DOCK1: variants seen among roughly 807,000 people sequenced by gnomAD.
The protein encoded by DOCK1 is dedicator of cytokinesis 1, also known as dedicator of cytokinesis protein 1.
Under a neutral mutation model 262.7 loss-of-function variants are expected in DOCK1, and 138 were observed. The ratio of observed to expected loss-of-function variants is 0.53; its 90% confidence interval spans 0.46 to 0.61. The LOEUF is 0.61. DOCK1 is among the 20% of genes least tolerant of loss of function. The pLI, the probability that DOCK1 is intolerant of heterozygous loss-of-function variation, is 0.00. For missense variants in DOCK1, 1,908 were observed against 2,370.7 expected, an observed-to-expected ratio of 0.80 and a Z score of 4.05; for synonymous variants, 866 against 867.4, an observed-to-expected ratio of 1.00 and a Z score of 0.03.
chr10:127,119,112 C>G (rs772642067), intron 25 of DOCK1, among the ~76,000 whole-genome samples: 1 of 151,036 alleles, frequency 6.6e-6, no homozygotes, highest in African/African-American at 2.4e-5. Flanking sequence ...GGCGCAATCT[C>G]GGCTTACTGC....
chr10:127,212,399 G>A (rs1056109208), intron 27 of DOCK1, among the ~76,000 whole-genome samples: 9 of 152,186 alleles, frequency 5.9e-5, no homozygotes, highest in Admixed American at 2.0e-4. Context: ...GAAGGAATAT[G>A]CAAGCGTCGT....
intron 10 of DOCK1, among the ~76,000 whole-genome samples, chr10:127,005,252 A>C (rs1341466314): frequency 6.6e-6 from 1 of 151,844 alleles, no homozygotes; most frequent in Non-Finnish European, 1.5e-5. Flanking sequence ...GGATTGCCTG[A>C]GCTTGGGAGG....
intron 47 of DOCK1, among the ~76,000 whole-genome samples, chr10:127,428,106 G>A (rs2068940346): frequency 6.6e-6 from 1 of 152,270 alleles, no homozygotes; most frequent in Non-Finnish European, 1.5e-5. Flanking sequence ...AGAGCTGAGT[G>A]GCAAGAAGCG....
chr10:126,994,648 G>T (rs1046354625), intron 6 of DOCK1, among the ~76,000 whole-genome samples: 2 of 152,242 alleles, frequency 1.3e-5, no homozygotes, highest in African/African-American at 2.4e-5. Context: ...TAACGTCATA[G>T]ATTAACAGCA....
chr10:126,924,459 G>C (rs2033516802), intron 1 of DOCK1, among the ~76,000 whole-genome samples: 1 of 150,304 alleles, frequency 6.7e-6, no homozygotes, highest in African/African-American at 2.5e-5. Flanking sequence ...GCGGGAGGCT[G>C]TGCATGCTGG....
chr10:127,393,736 G>T (rs1342218812), intron 38 of DOCK1, among the ~76,000 whole-genome samples: 1 of 152,198 alleles, frequency 6.6e-6, no homozygotes, highest in South Asian at 2.1e-4. Flanking sequence ...TCTTCCCCAC[G>T]GAATCATTCT....
chr10:127,319,824 CAG>C (rs1484794828), intron 29 of DOCK1, among the ~76,000 whole-genome samples: 1 of 152,184 alleles, frequency 6.6e-6, no homozygotes, highest in Non-Finnish European at 1.5e-5. Flanking sequence ...CTGCTACAGA[CAG>C]ACTTTGGTCT....
intron 26 of DOCK1, among the ~76,000 whole-genome samples, chr10:127,126,967 C>T (rs1398550924): frequency 2.0e-5 from 3 of 152,146 alleles, no homozygotes; most frequent in African/African-American, 7.2e-5. Context: ...GGGGCATTGC[C>T]TTTGGAGAGG....
At chr10:126,957,057 G>A (rs1214066413) in intron 1 of DOCK1, among the ~76,000 whole-genome samples, 1 of 152,180 alleles carries the variant, frequency 6.6e-6, no homozygotes, top group African/African-American at 2.4e-5. Flanking sequence ...AGCGGGGAAG[G>A]GGTCTCTGCA....
intron 49 of DOCK1, among the ~76,000 whole-genome samples, chr10:127,440,547 C>G (rs1049315051): frequency 6.6e-6 from 1 of 152,182 alleles, no homozygotes; most frequent in Non-Finnish European, 1.5e-5. Context: ...CTGCTTGTCT[C>G]AGCCCTGGGC....
At chr10:127,434,558 ATT>A (rs2069530294) in intron 48 of DOCK1, among the ~76,000 whole-genome samples, 1 of 152,070 alleles carries the variant, frequency 6.6e-6, no homozygotes, top group Non-Finnish European at 1.5e-5. Flanking sequence ...CTCTGTACCC[ATT>A]TAACAACAAT....
intron 1 of DOCK1, among the ~76,000 whole-genome samples, chr10:126,939,189 A>G (rs1298754440): frequency 2.0e-5 from 3 of 152,074 alleles, no homozygotes; most frequent in Non-Finnish European, 2.9e-5. Context: ...CCCTTCCTTA[A>G]GCTCTTCTAT....
rs567673096 is a variant in DOCK1, at chr10:126,909,273, T to C, written c.46+3710T>C. ...GCTAATGATCGGCAGTTACAAAGAA[T>C]TGGATCCTGCCAACACCCTGAATGA... On this transcript the variant is annotated intron_variant, in intron 1 of 51. Coordinates refer to ENST00000623213, the MANE Select transcript of DOCK1 (RefSeq NM_001290223.2). Among the ~76,000 whole-genome samples the C allele has an allele frequency of 5.8e-4, 88 of 152,176 alleles. 1 individual carries two copies. The highest frequency in any genetic ancestry group is 1.1e-3 in the Non-Finnish European group (77 of 68,024).
In DOCK1 at chr10:127,451,547, CT is replaced by C. The variant is rs1412112226; in HGVS notation, c.*121del. The C allele has an allele frequency of 6.6e-7, 1 of 1,517,606 alleles. No homozygotes were observed. Among genetic ancestry groups the C allele is most frequent in the South Asian group, 1.2e-5 (1 of 82,218 alleles). 94.0% of individuals were successfully genotyped at this position (1,517,606 alleles called of 1,614,324 possible). On this transcript the variant is annotated 3_prime_UTR_variant, in exon 52 of 52. Transcript: ENST00000623213. ...CCTGTGATGTTAACATTTCGTGCGA[CT>C]GCTTTTTCTTCAAAGGAGTTCAGTT... is the stretch of plus-strand genomic sequence containing the variant.
At chr10:127,331,600 C>A (rs2062986046) in intron 29 of DOCK1, among the ~76,000 whole-genome samples, 1 of 152,126 alleles carries the variant, frequency 6.6e-6, no homozygotes, top group South Asian at 2.1e-4. Context: ...GTTTTTAAGT[C>A]TTCTCTGGGG....
chr10:127,277,724 C>T lies in DOCK1; in HGVS notation c.3044+20295C>T, dbSNP rs184079010. Among the ~76,000 whole-genome samples the T allele has an allele frequency of 6.6e-5, 10 of 152,198 alleles. No individual in the cohort carries two copies. In the East Asian group the frequency reaches 1.2e-3, roughly 18 times the overall value. On this transcript the variant is annotated intron_variant, in intron 29 of 51. Coordinates refer to ENST00000623213, the MANE Select transcript of DOCK1 (RefSeq NM_001290223.2). ...GTTGCAGTAAGCCAGAACTGTACCA[C>T]GGTACTCCAGCCTGGGTGACAGAGC...
intron 33 of DOCK1, among the ~76,000 whole-genome samples, chr10:127,365,228 C>G (rs1331191381): frequency 2.0e-5 from 3 of 152,354 alleles, no homozygotes; most frequent in African/African-American, 7.2e-5. Flanking sequence ...GCAGTGAACA[C>G]ATTCATGCAT....
intron 51 of DOCK1, among the ~76,000 whole-genome samples, chr10:127,450,376 A>G (rs889904479): frequency 2.0e-5 from 3 of 152,174 alleles, no homozygotes; most frequent in Non-Finnish European, 2.9e-5. Context: ...CTTAAGTTAG[A>G]CGATAGTGTT....
chr10:127,081,062 A>G (rs1308374626), intron 23 of DOCK1, among the ~76,000 whole-genome samples: 1 of 152,220 alleles, frequency 6.6e-6, no homozygotes, highest in East Asian at 1.9e-4. Context: ...GGCAAAATAA[A>G]TACTATTTTC....
Sources: gnomAD v4.1 joint callset for allele counts (sites outside exome capture counted in the v4.1 genomes callset) on GRCh38, gnomAD v4.1.1 for gene constraint, MANE v1.5 for transcripts, NCBI Gene and HGNC (gene_info 2026-07-23, HGNC 2026-07-21) for gene names.